The following KLHL1 variants were observed in gnomAD, a reference collection of about 807,000 sequenced individuals.
KLHL1 encodes kelch like family member 1, also known as kelch-like protein 1.
A neutral mutation model predicts 77.7 loss-of-function variants in KLHL1; 47 were observed. The ratio of observed to expected loss-of-function variants is 0.60; its 90% CI spans 0.48 to 0.77. The LOEUF is 0.77. KLHL1 is among the 30% of genes least tolerant of loss of function. KLHL1 has a pLI of 0.00. For synonymous variants in KLHL1, 360 were observed against 325.2 expected (o/e 1.11, Z -1.15); for missense variants, 925 against 910.8 (o/e 1.02, Z -0.20).
intron 3 of KLHL1, among the ~76,000 whole-genome samples, chr13:69,944,304 T>G (rs1883450887): frequency 6.6e-6 from 1 of 152,216 alleles, no homozygotes; most frequent in Admixed American, 6.5e-5. Context: ...ACACACTTTG[T>G]CACAACTTAT....
chr13:69,847,922 A>G (rs1879533977), intron 5 of KLHL1, among the ~76,000 whole-genome samples: 1 of 151,602 alleles, frequency 6.6e-6, no homozygotes. Flanking sequence ...TCAATGTCTT[A>G]TAAATATATC....
At chr13:70,024,342 G>C (rs865849016) in intron 1 of KLHL1, among the ~76,000 whole-genome samples, 14 of 151,946 alleles carry the variant, frequency 9.2e-5, no homozygotes, top group Middle Eastern at 3.4e-3. Flanking sequence ...CTTCTGAATT[G>C]TAAGACCTAG....
At chr13:69,945,031 G>T (rs1411016703) in intron 3 of KLHL1, among the ~76,000 whole-genome samples, 4 of 139,564 alleles carry the variant, frequency 2.9e-5, no homozygotes, top group Admixed American at 1.5e-4. Flanking sequence ...TGTCGCCCAG[G>T]CTGGAGTGCA....
At chr13:69,803,715 A>G (rs1877491797) in intron 6 of KLHL1, among the ~76,000 whole-genome samples, 1 of 152,168 alleles carries the variant, frequency 6.6e-6, no homozygotes, top group African/African-American at 2.4e-5. Flanking sequence ...AGAGAGTTTG[A>G]AGCATGAGCA....
At chr13:69,952,762 TC>T (rs1270827024) in intron 3 of KLHL1, among the ~76,000 whole-genome samples, 17 of 151,328 alleles carry the variant, frequency 1.1e-4, no homozygotes, top group African/African-American at 3.4e-4. Context: ...ATTATAAGTG[TC>T]CTTTCCCAAG....
At chr13:69,934,896 T>C (rs1335907312) in intron 4 of KLHL1, among the ~76,000 whole-genome samples, 1 of 150,208 alleles carries the variant, frequency 6.7e-6, no homozygotes, top group Admixed American at 6.7e-5. Flanking sequence ...TTTCCTGATT[T>C]ATGGGAGGGT....
chr13:70,002,643 C>A (rs1452015029), intron 1 of KLHL1, among the ~76,000 whole-genome samples: 1 of 151,606 alleles, frequency 6.6e-6, no homozygotes, highest in East Asian at 1.9e-4. Flanking sequence ...ACAACATAAA[C>A]CTCAATTAGA....
intron 1 of KLHL1, among the ~76,000 whole-genome samples, chr13:70,028,999 T>C (rs144459582): frequency 6.7e-6 from 1 of 149,556 alleles, no homozygotes; most frequent in African/African-American, 2.4e-5. Flanking sequence ...AAAAAATCAC[T>C]ATTCCTGATT....
intron 6 of KLHL1, among the ~76,000 whole-genome samples, chr13:69,802,781 G>A: frequency 6.6e-6 from 1 of 152,050 alleles, no homozygotes; most frequent in East Asian, 1.9e-4. Flanking sequence ...CAGTCAGGGA[G>A]CTCGGCTCTT....
At chr13:69,780,713 T>TATATATATACAC (rs1566243678) in intron 7 of KLHL1, among the ~76,000 whole-genome samples, 1 of 32,952 alleles carries the variant, frequency 3.0e-5, no homozygotes, top group African/African-American at 1.7e-4. Flanking sequence ...TATATATATA[T>TATATATATACAC]ATGTATATAT....
intron 4 of KLHL1, among the ~76,000 whole-genome samples, chr13:69,918,146 ATTTC>A (rs1470778015): frequency 6.6e-5 from 10 of 152,034 alleles, no homozygotes; most frequent in African/African-American, 2.4e-4. Flanking sequence ...CAAAAGCAGA[ATTTC>A]TTTGTGGTTT....
chr13:69,709,059 T>TG (rs1382168126), intron 9 of KLHL1, among the ~76,000 whole-genome samples: 1 of 152,016 alleles, frequency 6.6e-6, no homozygotes, highest in Non-Finnish European at 1.5e-5. Flanking sequence ...ACACTGTGGT[T>TG]GGGGGGTTTG....
chr13:70,047,772 A>T (rs1388664166), intron 1 of KLHL1, among the ~76,000 whole-genome samples: 3 of 152,158 alleles, frequency 2.0e-5, no homozygotes, highest in African/African-American at 7.2e-5. Context: ...GCGTGTTTGC[A>T]ATTATATCTT....
Position 70,005,819 on chromosome 13 carries a change from G to A in KLHL1, c.498-30017C>T, listed in dbSNP as rs374960770. On this transcript the variant is annotated intron_variant, in intron 1 of 10. Coordinates refer to ENST00000377844, the MANE Select transcript of KLHL1 (RefSeq NM_020866.3). ...AAGCTGTTCCCATTAAATCAATAAAGTATTGTCATATATTAGTAAAAATAA... is the reference window on the plus strand; with the variant it reads ...AAGCTGTTCCCATTAAATCAATAAAATATTGTCATATATTAGTAAAAATAA... Among the ~76,000 whole-genome samples, 7 of 151,928 alleles carry A rather than the reference G, an allele frequency of 4.6e-5. No homozygotes were observed. The East Asian group carries it at 9.7e-4, about 21-fold the overall frequency.
intron 9 of KLHL1, among the ~76,000 whole-genome samples, chr13:69,710,037 TTATCATGTTGCAAATATATACTTTTTTA>T (rs1875806630): frequency 2.0e-5 from 3 of 151,714 alleles, no homozygotes; most frequent in Admixed American, 6.6e-5. Flanking sequence ...AAAGCAGACT[TTATCATGTTGCAAATATATACTTTTTTA>T]TATCATGTTG....
At chr13:69,998,578 C>T (rs1284861982) in intron 1 of KLHL1, among the ~76,000 whole-genome samples, 1 of 152,048 alleles carries the variant, frequency 6.6e-6, no homozygotes, top group Non-Finnish European at 1.5e-5. Flanking sequence ...AAATGTAACT[C>T]AATCCCCTTG....
At chr13:69,887,439 T>C (rs1593918998) in intron 4 of KLHL1, among the ~76,000 whole-genome samples, 1 of 152,180 alleles carries the variant, frequency 6.6e-6, no homozygotes, top group East Asian at 1.9e-4. Flanking sequence ...TTCAAATCTT[T>C]AAGATCTGCT....
intron 1 of KLHL1, among the ~76,000 whole-genome samples, chr13:70,006,093 A>T (rs1272159269): frequency 1.3e-5 from 2 of 152,060 alleles, no homozygotes; most frequent in Non-Finnish European, 2.9e-5. Context: ...TTCATCATAT[A>T]AATGATTTTA....
At chr13:70,070,622 A>G (rs555075110) in intron 1 of KLHL1, among the ~76,000 whole-genome samples, 2 of 152,126 alleles carry the variant, frequency 1.3e-5, no homozygotes, top group Non-Finnish European at 2.9e-5. Flanking sequence ...AGTTATTCAG[A>G]ATAAAGAAAA....
Sources: allele counts gnomAD v4.1 joint callset (sites outside exome capture counted in the v4.1 genomes callset), GRCh38; gene constraint gnomAD v4.1.1; transcripts MANE v1.5; gene names NCBI Gene and HGNC (gene_info 2026-07-23, HGNC 2026-07-21).